Variants in ATAD3B observed in about 807,000 individuals in gnomAD.
The protein encoded by ATAD3B is ATPase family AAA domain containing 3B.
In ATAD3B, 59 loss-of-function variants were observed where a neutral mutation model predicts 70.2. That is an observed-to-expected ratio of 0.84 (90% confidence interval 0.68 to 1.04). The LOEUF is 1.04. Ranked by LOEUF, ATAD3B falls within the 50% of genes least tolerant of loss-of-function variation. The pLI, the probability that ATAD3B is intolerant of heterozygous loss-of-function variation, is 0.00. For missense variants in ATAD3B, 961 were observed against 913.4 expected, an observed-to-expected ratio of 1.05 and a Z score of -0.67; for synonymous variants, 423 against 388.6, an observed-to-expected ratio of 1.09 and a Z score of -1.04.
At chr1:1,488,502 T>TGTAA (rs1448658642) in intron 12 of ATAD3B, among the ~76,000 whole-genome samples, 1 of 152,068 alleles carries the variant, frequency 6.6e-6, no homozygotes, top group Non-Finnish European at 1.5e-5. Context: ...GGCTCACGTG[T>TGTAA]GTAATCCCAG....
chr1:1,503,586 C>A, the ATAD3B span: 1 of 1,611,176 alleles, frequency 6.2e-7, no homozygotes, highest in Non-Finnish European at 8.5e-7. Flanking sequence ...GCCTGCAGGC[C>A]ACATCAAAGG....
intron 13 of ATAD3B, chr1:1,489,577 T>A: frequency 1.8e-6 from 2 of 1,098,286 alleles, no homozygotes; most frequent in Non-Finnish European, 1.3e-6. Context: ...AGGGAGGTGG[T>A]CTGATTGCTG....
chr1:1,505,155 G>A, the ATAD3B span, among the ~76,000 whole-genome samples: 3 of 152,150 alleles, frequency 2.0e-5, no homozygotes, highest in African/African-American at 7.2e-5. Context: ...CAAGACAAAG[G>A]GGCAGGATAA....
chr1:1,492,102 C>A (rs1360544072), intron 15 of ATAD3B, among the ~76,000 whole-genome samples: 2 of 151,688 alleles, frequency 1.3e-5, no homozygotes, highest in Non-Finnish European at 2.9e-5. Context: ...GGGAGGGTCA[C>A]TTGAGTCCAG....
intron 1 of ATAD3B, among the ~76,000 whole-genome samples, chr1:1,475,625 C>T (rs1301090217): frequency 2.6e-5 from 4 of 152,004 alleles, no homozygotes; most frequent in Admixed American, 2.0e-4. Context: ...CACAGCAGTA[C>T]ATTATCCCAG....
Position 1,489,191 on chromosome 1 carries a change from C to T in ATAD3B, c.1267-13C>T, listed in dbSNP as rs757314726. On this transcript the variant is annotated splice_polypyrimidine_tract_variant and intron_variant, in intron 12 of 15. Transcript: ENST00000673477. ...TGCTTCTGGTGCCTAAGGCTGGAACCTTCTCTCTGCAGGAGGAGATAAGCA... is the reference window on the plus strand; with the variant it reads ...TGCTTCTGGTGCCTAAGGCTGGAACTTTCTCTCTGCAGGAGGAGATAAGCA... 3.1e-6 allele frequency: 5 copies of T among 1,613,430 alleles called. No homozygotes were observed. Among genetic ancestry groups the T allele is most frequent in the African/African-American group, 2.7e-5 (2 of 75,046 alleles).
chr1:1,477,852 C>G (rs12122387), intron 2 of ATAD3B, among the ~76,000 whole-genome samples: 2 of 5,428 alleles, frequency 3.7e-4, no homozygotes, highest in Non-Finnish European at 1.4e-3. Flanking sequence ...ATTACAGGCA[C>G]GCGCCACCAC....
intron 4 of ATAD3B, among the ~76,000 whole-genome samples, chr1:1,480,468 G>A (rs1446680894): frequency 6.8e-6 from 1 of 147,266 alleles, no homozygotes; most frequent in Non-Finnish European, 1.5e-5. Context: ...CTTAGGGACC[G>A]TCACCTTCAG....
chr1:1,489,075 T>G, intron 12 of ATAD3B, 129 bp from the exon 13 acceptor site: 128 of 1,497,560 alleles, frequency 8.5e-5, no homozygotes, highest in East Asian at 3.2e-4. Context: ...GTCAGGATTT[T>G]GAGTTTAGAT....
At chr1:1,498,111 C>T (rs1191001004), downstream of ATAD3B, among the ~76,000 whole-genome samples, 18 of 151,472 alleles carry the variant, frequency 1.2e-4, no homozygotes, top group Admixed American at 4.6e-4. Context: ...GAGACCAGCC[C>T]GGCCAATGTG....
the ATAD3B span, among the ~76,000 whole-genome samples, chr1:1,505,171 G>A: frequency 1.3e-5 from 2 of 152,042 alleles, no homozygotes; most frequent in African/African-American, 4.8e-5. Flanking sequence ...GATAAGGAGT[G>A]TGAGCCATCT....
At position 1,490,709 on chromosome 1, in the gene ATAD3B, C is replaced by T. The variant is rs768862138; in HGVS notation, c.1614+38C>T. On this transcript the variant is annotated intron_variant, in intron 15 of 15. Transcript: ENST00000673477. Reference sequence around the variant, plus strand: ...CCGGCACGTCCACCCAGACGGGACCCCAGCTGCTGTGGAGATGCTCAGTTG... The same window carrying T: ...CCGGCACGTCCACCCAGACGGGACCTCAGCTGCTGTGGAGATGCTCAGTTG... The T allele has an allele frequency of 9.1e-6, 14 of 1,546,558 alleles. No homozygotes were observed. The South Asian group carries it at 1.6e-4, about 17-fold the overall frequency.
At chr1:1,489,631 C>T in intron 13 of ATAD3B, 2 of 1,333,842 alleles carry the variant, frequency 1.5e-6, no homozygotes, top group South Asian at 1.2e-5. Context: ...TATGTCCAGG[C>T]TCCCTCTTCC....
chr1:1,486,791 G>A lies in ATAD3B; in HGVS notation c.1214+123G>A, dbSNP rs1269518385. 2.0e-5 allele frequency: 30 copies of A among 1,484,128 alleles called. 2 individuals carry two copies. The highest frequency in any genetic ancestry group is 1.1e-4 in the South Asian group (8 of 73,888). The allele number at this position is 1,484,128 out of a possible 1,614,324, so 91.9% of individuals were successfully genotyped here. ...TCTGCAGCTCTGTCCTTGTGGCCAC[G>A]CAGGAGGCCCAATGGAGGGTCCCTC... On this transcript the variant is annotated intron_variant, in intron 11 of 15. Transcript: ENST00000673477.
intron 15 of ATAD3B, among the ~76,000 whole-genome samples, chr1:1,492,352 G>C (rs1189054544): frequency 6.6e-6 from 1 of 151,688 alleles, no homozygotes; most frequent in Non-Finnish European, 1.5e-5. Flanking sequence ...TGGGTGTGGT[G>C]GTGGGTGCCT....
intron 1 of ATAD3B, among the ~76,000 whole-genome samples, chr1:1,474,206 T>G (rs1639477273): frequency 6.6e-6 from 1 of 151,640 alleles, no homozygotes; most frequent in African/African-American, 2.4e-5. Flanking sequence ...TTTTTCTTTT[T>G]TTTTTTGACG....
chr1:1,476,863 G>A (rs1443204127), intron 1 of ATAD3B, among the ~76,000 whole-genome samples: 1 of 148,446 alleles, frequency 6.7e-6, no homozygotes, highest in African/African-American at 2.5e-5. Context: ...CTGGAGTGCG[G>A]TGGTGCGATC....
At chr1:1,500,332 C>T (rs1640916385), downstream of ATAD3B, among the ~76,000 whole-genome samples, 1 of 150,348 alleles carries the variant, frequency 6.7e-6, no homozygotes, top group South Asian at 2.1e-4. Flanking sequence ...GCGGGCAGAT[C>T]ACGAGGTCAG....
At chr1:1,488,780 G>A (rs1234563284) in intron 12 of ATAD3B, among the ~76,000 whole-genome samples, 1 of 151,790 alleles carries the variant, frequency 6.6e-6, no homozygotes, top group Non-Finnish European at 1.5e-5. Flanking sequence ...CGAGAGATTT[G>A]ATCGCCTTGA....
Sources: allele counts gnomAD v4.1 joint callset (sites outside exome capture counted in the v4.1 genomes callset), GRCh38; gene constraint gnomAD v4.1.1; transcripts MANE v1.5; gene names NCBI Gene and HGNC (gene_info 2026-07-23, HGNC 2026-07-21).